MAP3K5: variants seen among roughly 807,000 people sequenced by gnomAD.
The protein encoded by MAP3K5 is mitogen-activated protein kinase kinase kinase 5, also known as ASK-1.
In MAP3K5, 56 loss-of-function variants were observed where a neutral mutation model predicts 158.7. The observed-to-expected ratio is 0.35, with a 90% confidence interval of 0.28 to 0.44. The LOEUF is 0.44. MAP3K5 is among the 20% of genes least tolerant of loss of function. MAP3K5 has a pLI of 1.00. For synonymous variants in MAP3K5, 579 were observed against 601.7 expected (o/e 0.96, Z 0.55); for missense variants, 1,294 against 1,674.8 (o/e 0.77, Z 3.97).
At chr6:136,633,401 AAAAAT>A (rs1365593981) in intron 14 of MAP3K5, among the ~76,000 whole-genome samples, 1 of 150,706 alleles carries the variant, frequency 6.6e-6, no homozygotes, top group Non-Finnish European at 1.5e-5. Context: ...CTGTCTGAAA[AAAAAT>A]AAAATAAAAT....
intron 25 of MAP3K5, among the ~76,000 whole-genome samples, chr6:136,568,504 TA>T (rs1774219263): frequency 6.6e-6 from 1 of 152,210 alleles, no homozygotes; most frequent in Non-Finnish European, 1.5e-5. Context: ...CATTGAAATT[TA>T]AACCATAGAA....
chr6:136,655,814 C>T (rs1778719761), intron 10 of MAP3K5, among the ~76,000 whole-genome samples: 1 of 152,072 alleles, frequency 6.6e-6, no homozygotes, highest in Admixed American at 6.6e-5. Context: ...AACTGCAAGT[C>T]ATTTCCCATG....
chr6:136,683,774 A>G (rs1328698891), intron 7 of MAP3K5, among the ~76,000 whole-genome samples: 2 of 152,200 alleles, frequency 1.3e-5, no homozygotes, highest in Non-Finnish European at 2.9e-5. Flanking sequence ...ACTGAAATCT[A>G]GACATTTCTG....
At chr6:136,585,388 G>C (rs1156704914) in intron 23 of MAP3K5, among the ~76,000 whole-genome samples, 1 of 151,558 alleles carries the variant, frequency 6.6e-6, no homozygotes, top group Non-Finnish European at 1.5e-5. Flanking sequence ...AAAGTGCTGG[G>C]ATTATAGATG....
Position 136,609,191 on chromosome 6 carries a change from A to T in MAP3K5, c.2521+2091T>A, listed in dbSNP as rs1238345662. ...ACGAGGGATTTTCCTCTCAGAAATT[A>T]CTGAGTCTTGACAGCACTGAAACTG... is the stretch of plus-strand genomic sequence containing the variant. On this transcript the variant is annotated intron_variant, in intron 18 of 29. Transcript: ENST00000359015. This position sits in a 1 kb window ranked among gnomAD's most constrained non-coding sequence, Gnocchi z 4.4. 1.3e-5 allele frequency among the ~76,000 whole-genome samples: 2 copies of T among 152,242 alleles called. No homozygotes were observed. Among genetic ancestry groups the T allele is most frequent in the Non-Finnish European group, 2.9e-5 (2 of 68,030 alleles).
chr6:136,642,228 C>A (rs1310300790), intron 12 of MAP3K5, among the ~76,000 whole-genome samples: 6 of 152,028 alleles, frequency 3.9e-5, no homozygotes, highest in Admixed American at 3.9e-4. Flanking sequence ...AGAGGACCTC[C>A]ACATGGCTGA....
chr6:136,775,652 A>G lies in MAP3K5; in HGVS notation c.448+16058T>C, dbSNP rs79452677. On this transcript the variant is annotated intron_variant, in intron 1 of 29. Coordinates refer to ENST00000359015, the MANE Select transcript of MAP3K5 (RefSeq NM_005923.4). ...AACAGAAAAATCATGATTGCTTCAT[A>G]CATCCACTCCTGCAAACTTAGTCCA... is the stretch of plus-strand genomic sequence containing the variant. Among the ~76,000 whole-genome samples, 893 of 152,362 alleles carry G rather than the reference A, an allele frequency of 5.9e-3. 12 individuals are homozygous for G. The highest frequency in any genetic ancestry group is 0.02 in the African/African-American group (850 of 41,586).
intron 18 of MAP3K5, among the ~76,000 whole-genome samples, chr6:136,607,213 G>A (rs1776139597): frequency 6.6e-6 from 1 of 152,056 alleles, no homozygotes; most frequent in Admixed American, 6.6e-5. Flanking sequence ...TGTTGTCTCG[G>A]GGCCTAGAAT....
intron 3 of MAP3K5, 43 bp downstream of exon 3, chr6:136,705,067 G>A (rs1333042829): frequency 1.5e-5 from 14 of 963,538 alleles, no homozygotes; most frequent in Non-Finnish European, 2.0e-5. Context: ...TAATGGAAAA[G>A]AAAATATTTT....
In MAP3K5 at chr6:136,607,670, C is replaced by T. The variant is rs80138031; in HGVS notation, c.2522-2304G>A. 8.4e-4 allele frequency among the ~76,000 whole-genome samples: 128 copies of T among 152,268 alleles called. No individual in the cohort carries two copies. The East Asian group carries it at 0.024, about 28-fold the overall frequency. ...TAGAATTTCTTTGCTGCTGCAACTA[C>T]CCAGGGAGGTGGTACAGCTTAGTGG... On this transcript the variant is annotated intron_variant, in intron 18 of 29. Coordinates refer to ENST00000359015, the MANE Select transcript of MAP3K5 (RefSeq NM_005923.4).
intron 1 of MAP3K5, among the ~76,000 whole-genome samples, chr6:136,787,512 C>T (rs116043407): frequency 7.2e-4 from 110 of 152,354 alleles, no homozygotes; most frequent in African/African-American, 2.5e-3. Context: ...CAACACTCCA[C>T]TCTTTTCTGA....
intron 12 of MAP3K5, among the ~76,000 whole-genome samples, 168 bp downstream of exon 12, chr6:136,642,352 T>A (rs1468549191): frequency 6.6e-6 from 1 of 152,152 alleles, no homozygotes; most frequent in Non-Finnish European, 1.5e-5. Context: ...TTGTTGCAAA[T>A]CTCTTCCTAA....
intron 14 of MAP3K5, among the ~76,000 whole-genome samples, chr6:136,632,632 T>C (rs1452047838): frequency 2.0e-5 from 3 of 152,094 alleles, no homozygotes; most frequent in East Asian, 3.9e-4. Context: ...TAGGCTATGA[T>C]AGAGGATGAA....
intron 2 of MAP3K5, 151 bp downstream of exon 2, chr6:136,720,299 A>G (rs1781696084): frequency 1.6e-6 from 1 of 608,148 alleles, no homozygotes; most frequent in East Asian, 3.3e-5. Flanking sequence ...AATTCTCGAT[A>G]AACCTCCCAA....
chr6:136,723,186 G>A (rs1781817460), intron 1 of MAP3K5, among the ~76,000 whole-genome samples: 2 of 151,788 alleles, frequency 1.3e-5, no homozygotes, highest in Non-Finnish European at 2.9e-5. Flanking sequence ...TTATATACGT[G>A]TGTATGTGTA....
intron 2 of MAP3K5, among the ~76,000 whole-genome samples, chr6:136,716,276 C>G (rs993323029): frequency 1.3e-5 from 2 of 152,022 alleles, no homozygotes; most frequent in African/African-American, 2.4e-5. Context: ...AAGGTAGTAT[C>G]TCTCCCACCA....
chr6:136,752,093 T>C (rs1413125564), intron 1 of MAP3K5, among the ~76,000 whole-genome samples: 1 of 152,176 alleles, frequency 6.6e-6, no homozygotes, highest in African/African-American at 2.4e-5. Flanking sequence ...CCTACTTCCA[T>C]CCCTCCTTCT....
At chr6:136,699,226 G>A (rs564974098) in intron 3 of MAP3K5, among the ~76,000 whole-genome samples, 6 of 151,986 alleles carry the variant, frequency 3.9e-5, no homozygotes, top group Non-Finnish European at 7.4e-5. Flanking sequence ...ACATCCTATC[G>A]AAGTCCCATC....
chr6:136,616,300 C>CTTT (rs537263288), intron 15 of MAP3K5, among the ~76,000 whole-genome samples: 52 of 122,648 alleles, frequency 4.2e-4, no homozygotes, highest in Non-Finnish European at 7.3e-4. Context: ...ACCTGCTCCT[C>CTTT]TTTTTTTTTT....
Sources: allele counts gnomAD v4.1 joint callset (sites outside exome capture counted in the v4.1 genomes callset), GRCh38; gene constraint gnomAD v4.1.1; non-coding constraint Gnocchi (gnomAD v3.1); transcripts MANE v1.5; gene names NCBI Gene and HGNC (gene_info 2026-07-23, HGNC 2026-07-21).